The following ZNF423 variants were observed in gnomAD, a reference collection of about 807,000 sequenced individuals.
ZNF423 encodes the protein zinc finger protein 423.
A neutral mutation model predicts 95.8 loss-of-function variants in ZNF423; 12 were observed. That is an observed-to-expected ratio of 0.13 (90% CI 0.08 to 0.20). The LOEUF is 0.20. ZNF423 is among the 10% of genes least tolerant of loss of function. The probability of loss-of-function intolerance (pLI) is 1.00; values close to 1 mark genes in which losing one functional copy is unlikely to be tolerated. For missense variants in ZNF423, 1,316 were observed against 1,737.1 expected, an observed-to-expected ratio of 0.76 and a Z score of 4.31; for synonymous variants, 749 against 711.9, an observed-to-expected ratio of 1.05 and a Z score of -0.83.
intron 5 of ZNF423, among the ~76,000 whole-genome samples, chr16:49,580,481 A>G (rs956301991): frequency 6.6e-6 from 1 of 152,244 alleles, no homozygotes; most frequent in Non-Finnish European, 1.5e-5. Context: ...AAGCGCCTGA[A>G]GCAGAGCAGT....
chr16:49,632,803 C>T (rs750817011), intron 4 of ZNF423, among the ~76,000 whole-genome samples: 9 of 152,170 alleles, frequency 5.9e-5, no homozygotes, highest in Non-Finnish European at 1.0e-4. Context: ...TGCTTGATGC[C>T]GGATGCAGAG....
At chr16:49,619,986 G>C (rs986902127) in intron 5 of ZNF423, among the ~76,000 whole-genome samples, 7 of 152,084 alleles carry the variant, frequency 4.6e-5, no homozygotes, top group African/African-American at 1.7e-4. Context: ...CCTTCAGCAC[G>C]GGGCCAGGGT....
intron 1 of ZNF423, among the ~76,000 whole-genome samples, chr16:49,852,583 G>A (rs1303494521): frequency 6.6e-6 from 1 of 151,902 alleles, no homozygotes; most frequent in African/African-American, 2.4e-5. Context: ...TTATCAAAGA[G>A]AACAAATCAC....
intron 5 of ZNF423, among the ~76,000 whole-genome samples, chr16:49,586,519 C>A (rs1970841727): frequency 6.6e-6 from 1 of 152,190 alleles, no homozygotes; most frequent in Non-Finnish European, 1.5e-5. Context: ...GCCAGCACAC[C>A]AATAAATTAA....
chr16:49,795,670 C>A (rs995763852), intron 1 of ZNF423, among the ~76,000 whole-genome samples: 2 of 152,160 alleles, frequency 1.3e-5, no homozygotes, highest in African/African-American at 4.8e-5. Flanking sequence ...AGGCCCCGCC[C>A]CCACAGGGAT....
chr16:49,696,075 C>T (rs1379536725), intron 3 of ZNF423, among the ~76,000 whole-genome samples: 1 of 152,234 alleles, frequency 6.6e-6, no homozygotes, highest in African/African-American at 2.4e-5. Flanking sequence ...CCAGTGGACT[C>T]ATCCGTAAAA....
At position 49,826,377 on chromosome 16, in the gene ZNF423, G is replaced by A. The variant is rs140467676; in HGVS notation, c.40+29358C>T. On this transcript the variant is annotated intron_variant, in intron 1 of 7. Coordinates refer to ENST00000563137, the MANE Select transcript of ZNF423 (RefSeq NM_001379286.1). ...AAAGCTCTCAACATGGCCAGGGCAC[G>A]CAGCAGCAGGGGCTACCCAAAATGC... Among the ~76,000 whole-genome samples the A allele has an allele frequency of 2.6e-4, 40 of 152,294 alleles. No homozygotes were observed. The East Asian group carries it at 7.3e-3, about 28-fold the overall frequency.
chr16:49,779,443 C>T (rs2034173314), intron 2 of ZNF423, among the ~76,000 whole-genome samples: 1 of 152,066 alleles, frequency 6.6e-6, no homozygotes, highest in African/African-American at 2.4e-5. Context: ...ACCCTGGAGC[C>T]TGTTAGAAAT....
chr16:49,642,747 C>G (rs1386492808), intron 3 of ZNF423, among the ~76,000 whole-genome samples: 1 of 151,792 alleles, frequency 6.6e-6, no homozygotes, highest in Non-Finnish European at 1.5e-5. Context: ...TAAGCTAGGG[C>G]CAAAGCTCGG....
intron 3 of ZNF423, among the ~76,000 whole-genome samples, chr16:49,699,295 GA>G (rs1254102077): frequency 6.6e-6 from 1 of 152,202 alleles, no homozygotes; most frequent in African/African-American, 2.4e-5. Context: ...TAAAGGAAAG[GA>G]AATTCTAGAA....
At chr16:49,526,049 T>G (rs1968592772) in intron 5 of ZNF423, among the ~76,000 whole-genome samples, 1 of 151,948 alleles carries the variant, frequency 6.6e-6, no homozygotes, top group Non-Finnish European at 1.5e-5. Flanking sequence ...GCGAGAGCAC[T>G]CTAGGAGAGG....
At chr16:49,606,260 C>T (rs576634746) in intron 5 of ZNF423, among the ~76,000 whole-genome samples, 29 of 142,038 alleles carry the variant, frequency 2.0e-4, no homozygotes, top group African/African-American at 7.8e-4. Context: ...ATCTGTAATG[C>T]CCACCGACAG....
chr16:49,699,772 G>T (rs1350632004), intron 3 of ZNF423, among the ~76,000 whole-genome samples: 1 of 152,204 alleles, frequency 6.6e-6, no homozygotes, highest in African/African-American at 2.4e-5. Context: ...AAGGGGCTCT[G>T]GCTGCCTGGT....
chr16:49,793,329 C>T (rs908065735), intron 1 of ZNF423, among the ~76,000 whole-genome samples: 9 of 152,114 alleles, frequency 5.9e-5, no homozygotes, highest in African/African-American at 2.2e-4. Context: ...GCAGCGAGCC[C>T]CCAACATCCC....
chr16:49,677,768 AAGAGAGAG>A (rs371974425), intron 3 of ZNF423, among the ~76,000 whole-genome samples: 3 of 147,656 alleles, frequency 2.0e-5, no homozygotes, highest in Admixed American at 6.7e-5. Context: ...AAAAAAAAAA[AAGAGAGAG>A]AGAGAGAGAG....
At chr16:49,520,846 C>T (rs1265470882) in intron 7 of ZNF423, among the ~76,000 whole-genome samples, 1 of 152,240 alleles carries the variant, frequency 6.6e-6, no homozygotes, top group Non-Finnish European at 1.5e-5. Flanking sequence ...ATTCAAGTTA[C>T]TTAACGAGAG....
chr16:49,730,302 G>A (rs923565089), intron 3 of ZNF423, among the ~76,000 whole-genome samples: 2 of 152,188 alleles, frequency 1.3e-5, no homozygotes, highest in African/African-American at 4.8e-5. Flanking sequence ...GTGAGGTCAA[G>A]CACAGAGTTG....
intron 1 of ZNF423, among the ~76,000 whole-genome samples, chr16:49,831,356 T>C (rs1301494519): frequency 6.6e-6 from 1 of 152,224 alleles, no homozygotes; most frequent in Non-Finnish European, 1.5e-5. Context: ...ATTTTCCCTA[T>C]TTTATAATTG....
chr16:49,778,261 C>T (rs745608305), intron 2 of ZNF423, among the ~76,000 whole-genome samples: 6 of 152,218 alleles, frequency 3.9e-5, no homozygotes, highest in Non-Finnish European at 7.3e-5. Flanking sequence ...TGTCAGCTGA[C>T]ATGACAGCAG....
Sources: allele counts gnomAD v4.1 joint callset (sites outside exome capture counted in the v4.1 genomes callset), GRCh38; gene constraint gnomAD v4.1.1; transcripts MANE v1.5; gene names NCBI Gene and HGNC (gene_info 2026-07-23, HGNC 2026-07-21).